METTL2B: variants seen among roughly 807,000 people sequenced by gnomAD.
The protein encoded by METTL2B is methyltransferase 2B, tRNA N3-cytidine.
In METTL2B, 28 loss-of-function variants were observed where a neutral mutation model predicts 51.0. That is an observed-to-expected ratio of 0.55 (90% confidence interval 0.41 to 0.75). The LOEUF (loss-of-function observed/expected upper bound fraction) is 0.75, where lower values mean the gene tolerates loss of function less well. Among genes scored for constraint, METTL2B ranks in the 30% least tolerant of loss-of-function variants. The pLI is 0.00. For synonymous variants in METTL2B, 128 were observed against 166.3 expected, an observed-to-expected ratio of 0.77 and a Z score of 1.77; for missense variants, 313 against 460.7, an observed-to-expected ratio of 0.68 and a Z score of 2.93.
At chr7:128,480,466 A>G (rs1451609612) in intron 3 of METTL2B, among the ~76,000 whole-genome samples, 181 bp from the exon 4 acceptor site, 3 of 152,222 alleles carry the variant, frequency 2.0e-5, no homozygotes, top group Admixed American at 6.5e-5. Context: ...TTGTCTTTTA[A>G]GGGTTCCTGA....
rs1192058277 is a variant in METTL2B, at chr7:128,504,134, T to C, written c.*2218T>C. The C allele has an allele frequency of 2.0e-5, 3 of 152,150 alleles. No individual in the cohort carries two copies. Among genetic ancestry groups the C allele is most frequent in the South Asian group, 4.1e-4 (2 of 4,826 alleles). 9.4% of individuals were successfully genotyped at this position (152,150 alleles called of 1,614,324 possible). ...ATCAGCAAATATATTACCAAATATATCCATCACAAGTAGGAATACATGGAA... is the reference window on the plus strand; with the variant it reads ...ATCAGCAAATATATTACCAAATATACCCATCACAAGTAGGAATACATGGAA... On this transcript the variant is annotated 3_prime_UTR_variant, in exon 9 of 9. Coordinates refer to ENST00000262432, the MANE Select transcript of METTL2B (RefSeq NM_018396.3).
chr7:128,489,058 T>A (rs1584793069), intron 5 of METTL2B, among the ~76,000 whole-genome samples: 2 of 152,272 alleles, frequency 1.3e-5, no homozygotes, highest in East Asian at 3.9e-4. Context: ...GAGGTTGCAG[T>A]GAGCTGAGAT....
At chr7:128,484,874 C>T (rs1792671671) in intron 4 of METTL2B, among the ~76,000 whole-genome samples, 1 of 152,158 alleles carries the variant, frequency 6.6e-6, no homozygotes, top group African/African-American at 2.4e-5. Context: ...AGCCACCGCA[C>T]CCGGCTGTAA....
At chr7:128,488,832 C>T (rs1218755099) in intron 5 of METTL2B, among the ~76,000 whole-genome samples, 3 of 152,140 alleles carry the variant, frequency 2.0e-5, no homozygotes, top group South Asian at 4.1e-4. Context: ...CATGCCGGTG[C>T]GGTGACTCAT....
chr7:128,486,593 C>T (rs1296914192), intron 4 of METTL2B, among the ~76,000 whole-genome samples: 1 of 151,716 alleles, frequency 6.6e-6, no homozygotes, highest in Non-Finnish European at 1.5e-5. Context: ...CAGCCAAGAC[C>T]TCGTGTCTCA....
chr7:128,479,153 T>C lies in METTL2B; in HGVS notation c.203-5T>C. 6.3e-7 allele frequency: 1 copy of C among 1,593,422 alleles called. No individual in the cohort carries two copies. Among genetic ancestry groups the C allele is most frequent in the Non-Finnish European group, 8.6e-7 (1 of 1,169,196 alleles). ...TTCTTAAAATTTTTTCTTAAATATTTACAGTTGATTATGAGATCAATGCCC... is the reference window on the plus strand; with the variant it reads ...TTCTTAAAATTTTTTCTTAAATATTCACAGTTGATTATGAGATCAATGCCC... On this transcript the variant is annotated splice_polypyrimidine_tract_variant and splice_region_variant and intron_variant, in intron 2 of 8. Coordinates refer to ENST00000262432, the MANE Select transcript of METTL2B (RefSeq NM_018396.3).
At chr7:128,481,499 T>C (rs548534596) in intron 4 of METTL2B, among the ~76,000 whole-genome samples, 154 of 152,360 alleles carry the variant, frequency 1.0e-3, no homozygotes, top group African/African-American at 3.4e-3. Context: ...GTGTTTGTTA[T>C]GAAGGATACA....
Position 128,480,661 on chromosome 7 carries a change from G to A in METTL2B, c.573G>A (p.Val191=), listed in dbSNP as rs767286068. ...TCTGTCTGCAGGTTGGCTGTGGTGT[G>A]GGAAACACAGTCTTTCCAATTTTAC... ...TYRILEVGCG[V]GNTVFPILQT... is the part of the protein sequence containing the mutation. The change falls in exon 4 of 9, where the codon GTG becomes GTA. Residue 191 remains valine (V), a synonymous_variant. Transcript: ENST00000262432. 6.2e-7 allele frequency: 1 copy of A among 1,604,208 alleles called. No homozygotes were observed. The highest frequency in any genetic ancestry group is 8.5e-7 in the Non-Finnish European group (1 of 1,177,488).
intron 5 of METTL2B, among the ~76,000 whole-genome samples, chr7:128,492,189 C>T (rs1792845612): frequency 6.6e-6 from 1 of 150,692 alleles, no homozygotes; most frequent in Admixed American, 6.7e-5. Flanking sequence ...TGGAGTCTAG[C>T]TCTGTCGCCC....
chr7:128,500,759 A>G (rs1793014211), intron 7 of METTL2B, 144 bp from the exon 8 acceptor site: 1 of 802,066 alleles, frequency 1.2e-6, no homozygotes, highest in Non-Finnish European at 2.0e-6. Context: ...ATTGTGACTT[A>G]CTCCCGTTGA....
chr7:128,492,748 C>G lies in METTL2B; in HGVS notation c.670-1056C>G, dbSNP rs182506335. Among the ~76,000 whole-genome samples, 1,473 of 152,160 alleles carry G rather than the reference C, an allele frequency of 9.7e-3. 29 individuals carry two copies. Among genetic ancestry groups the G allele is most frequent in the African/African-American group, 0.034 (1,405 of 41,494 alleles). ...TCTCCTGCCTCAGCCTCCCGAGTAG[C>G]TGGGACTACAGGCACCTGCCACCAC... On this transcript the variant is annotated intron_variant, in intron 5 of 8. Transcript: ENST00000262432.
intron 5 of METTL2B, among the ~76,000 whole-genome samples, chr7:128,490,146 G>A (rs546316451): frequency 3.3e-5 from 5 of 152,154 alleles, no homozygotes; most frequent in Admixed American, 6.6e-5. Flanking sequence ...TCAAAACAAT[G>A]TTCATAGCAT....
chr7:128,479,818 A>C (rs1799850517), intron 3 of METTL2B, among the ~76,000 whole-genome samples: 1 of 152,256 alleles, frequency 6.6e-6, no homozygotes, highest in Non-Finnish European at 1.5e-5. Flanking sequence ...GAAAGAGCTC[A>C]ACATGATCAT....
rs1793067263 is a variant in METTL2B at position 128,503,432 on chromosome 7, G to C, written c.*1516G>C. 1 of 102,646 alleles carries C rather than the reference G, an allele frequency of 9.7e-6. No homozygotes were observed. Among genetic ancestry groups the C allele is most frequent in the Non-Finnish European group, 2.1e-5 (1 of 47,780 alleles). 6.4% of individuals were successfully genotyped at this position (102,646 alleles called of 1,614,324 possible). On this transcript the variant is annotated 3_prime_UTR_variant, in exon 9 of 9. Coordinates refer to ENST00000262432, the MANE Select transcript of METTL2B (RefSeq NM_018396.3). The stretch of plus-strand genomic sequence containing the variant: ...AATGTGATCACTGTCAGTGTTAGAT[G>C]CTTTTTTTTTTTTTTTTTAGGAGAC...
At chr7:128,484,208 G>T (rs1415177590) in intron 4 of METTL2B, 1 of 70,418 alleles carries the variant, frequency 1.4e-5, no homozygotes, top group South Asian at 4.6e-4. Context: ...TTACCCTATT[G>T]CCTAGATCCT....
In METTL2B at chr7:128,477,127, A is replaced by T. The variant is rs1427441452; in HGVS notation, c.156A>T (p.Arg52Ser). Reference protein sequence around the residue: ...WSEEQAAAAERKVQENSIQRV... With the variant: ...WSEEQAAAAESKVQENSIQRV... Reference sequence around the variant, plus strand: ...AAGAGCAAGCCGCGGCGGCGGAGAGAAAAGTCCAGGAGAACAGTATCCAGC... The same window carrying T: ...AAGAGCAAGCCGCGGCGGCGGAGAGTAAAGTCCAGGAGAACAGTATCCAGC... The change falls in exon 2 of 9, where the codon AGA becomes AGT. Residue 52 changes from arginine (R) to serine (S), a missense_variant. This residue lies in a region of METTL2B where 67 missense variants were observed against 101.4 expected (regional missense o/e 0.66). Coordinates refer to ENST00000262432, the MANE Select transcript of METTL2B (RefSeq NM_018396.3). 2.5e-6 allele frequency: 4 copies of T among 1,614,004 alleles called. No individual in the cohort carries two copies. Among genetic ancestry groups the T allele is most frequent in the Non-Finnish European group, 3.4e-6 (4 of 1,179,938 alleles).
intron 5 of METTL2B, among the ~76,000 whole-genome samples, chr7:128,492,709 C>T (rs1197083715): frequency 4.0e-5 from 6 of 151,830 alleles, no homozygotes; most frequent in South Asian, 2.1e-4. Flanking sequence ...CTCCGCCTCC[C>T]GGGTTCACGC....
At chr7:128,491,154 CAA>C (rs56007742) in intron 5 of METTL2B, among the ~76,000 whole-genome samples, 2 of 103,380 alleles carry the variant, frequency 1.9e-5, no homozygotes, top group Non-Finnish European at 3.7e-5. Context: ...GACTCCATCT[CAA>C]AAAAAAAAAA....
At chr7:128,484,314 TC>T (rs1450724903) in intron 4 of METTL2B, among the ~76,000 whole-genome samples, 1 of 143,714 alleles carries the variant, frequency 7.0e-6, no homozygotes, top group African/African-American at 2.6e-5. Flanking sequence ...GCTTCAACCT[TC>T]CAGGGTTCAG....
Sources: gnomAD v4.1 joint callset for allele counts (sites outside exome capture counted in the v4.1 genomes callset) on GRCh38, gnomAD v4.1.1 for gene constraint, gnomAD v4.1.1 regional missense constraint, MANE v1.5 for transcripts, NCBI Gene and HGNC (gene_info 2026-07-23, HGNC 2026-07-21) for gene names.